GPC5: variants seen among roughly 807,000 people sequenced by gnomAD.
The protein encoded by GPC5 is glypican-5.
Under a neutral mutation model 53.9 loss-of-function variants are expected in GPC5, and 47 were observed. That is an observed-to-expected ratio of 0.87 (90% CI 0.69 to 1.11). The LOEUF is 1.11. GPC5 is among the 50% of genes most tolerant of loss of function. The pLI is 0.00. For missense variants in GPC5, 748 were observed against 713.1 expected (o/e 1.05, Z -0.56); for synonymous variants, 286 against 263.3 (o/e 1.09, Z -0.84).
chr13:92,702,906 C>T (rs1009026936), intron 7 of GPC5, among the ~76,000 whole-genome samples: 1 of 151,782 alleles, frequency 6.6e-6, no homozygotes, highest in East Asian at 1.9e-4. Flanking sequence ...TCCCCCAACC[C>T]GGCATATTCC....
chr13:92,758,168 T>G (rs1402590401), intron 7 of GPC5, among the ~76,000 whole-genome samples: 1 of 149,832 alleles, frequency 6.7e-6, no homozygotes, highest in African/African-American at 2.5e-5. Context: ...AATGATGAGT[T>G]CATGTCCTTT....
chr13:92,208,350 G>A (rs1323954846), intron 7 of GPC5, among the ~76,000 whole-genome samples: 1 of 152,182 alleles, frequency 6.6e-6, no homozygotes, highest in Admixed American at 6.5e-5. Flanking sequence ...ACCTATATGG[G>A]TGGGCTGTTG....
intron 2 of GPC5, among the ~76,000 whole-genome samples, chr13:91,502,682 C>A: frequency 6.6e-6 from 1 of 152,166 alleles, no homozygotes; most frequent in East Asian, 1.9e-4. Context: ...TAGGACCACC[C>A]TGAACCACCC....
chr13:92,632,574 A>G (rs9584051), intron 7 of GPC5, among the ~76,000 whole-genome samples: 9,876 of 151,206 alleles, frequency 0.065, 745 homozygotes, highest in African/African-American at 0.18. Flanking sequence ...CTATTAATCT[A>G]TATATGTATG....
At chr13:91,626,459 AT>A (rs767689564) in intron 2 of GPC5, among the ~76,000 whole-genome samples, 23 of 152,050 alleles carry the variant, frequency 1.5e-4, no homozygotes, top group Non-Finnish European at 2.9e-4. Context: ...TGAAGGTCAA[AT>A]GGCTACCCTG....
chr13:92,241,418 G>A (rs896824084), intron 7 of GPC5: 2 of 152,134 alleles, frequency 1.3e-5, no homozygotes, highest in African/African-American at 4.8e-5. Flanking sequence ...GCAAATGCTG[G>A]ACAATTAGAG....
chr13:92,230,484 C>T (rs957057753), intron 7 of GPC5, among the ~76,000 whole-genome samples: 1 of 152,004 alleles, frequency 6.6e-6, no homozygotes, highest in Non-Finnish European at 1.5e-5. Context: ...ATAAAATCTT[C>T]TCTTTTTGCT....
At chr13:92,594,455 T>C (rs1349512833) in intron 7 of GPC5, among the ~76,000 whole-genome samples, 1 of 152,216 alleles carries the variant, frequency 6.6e-6, no homozygotes, top group East Asian at 1.9e-4. Flanking sequence ...CCTACTTCCT[T>C]GTCTATTTCT....
intron 5 of GPC5, among the ~76,000 whole-genome samples, chr13:91,853,760 T>G (rs1453390954): frequency 6.6e-6 from 1 of 151,974 alleles, no homozygotes; most frequent in Non-Finnish European, 1.5e-5. Flanking sequence ...CATGTTACAA[T>G]AAAAAATAAA....
chr13:92,155,006 A>G (rs2041933475), intron 7 of GPC5, among the ~76,000 whole-genome samples: 1 of 152,192 alleles, frequency 6.6e-6, no homozygotes, highest in Non-Finnish European at 1.5e-5. Flanking sequence ...CTATGGTTAT[A>G]CTAGAGATAC....
intron 7 of GPC5, among the ~76,000 whole-genome samples, chr13:92,238,454 A>G (rs1341444634): frequency 6.6e-6 from 1 of 152,020 alleles, no homozygotes; most frequent in Non-Finnish European, 1.5e-5. Context: ...CCTGATGGCC[A>G]GTGATGTTAA....
chr13:91,931,403 T>C (rs1020433286), intron 6 of GPC5, among the ~76,000 whole-genome samples: 2 of 152,040 alleles, frequency 1.3e-5, no homozygotes, highest in African/African-American at 4.8e-5. Flanking sequence ...AAAATAGCAT[T>C]GATACAGTGT....
At chr13:92,387,395 G>A (rs1754288579) in intron 7 of GPC5, among the ~76,000 whole-genome samples, 1 of 152,040 alleles carries the variant, frequency 6.6e-6, no homozygotes, top group Admixed American at 6.6e-5. Context: ...AGCTCTATCA[G>A]GACATAACCT....
chr13:91,556,658 A>G (rs1171747109), intron 2 of GPC5, among the ~76,000 whole-genome samples: 2 of 151,828 alleles, frequency 1.3e-5, no homozygotes, highest in Non-Finnish European at 2.9e-5. Flanking sequence ...GAACAAAATG[A>G]TGGCATTCAC....
intron 5 of GPC5, among the ~76,000 whole-genome samples, chr13:91,838,085 G>A (rs774786365): frequency 6.6e-6 from 1 of 152,174 alleles, no homozygotes; most frequent in Non-Finnish European, 1.5e-5. Flanking sequence ...GCATATTTAA[G>A]AGTTGATTGT....
At chr13:91,563,827 C>T (rs1463965254) in intron 2 of GPC5, among the ~76,000 whole-genome samples, 1 of 151,940 alleles carries the variant, frequency 6.6e-6, no homozygotes, top group Non-Finnish European at 1.5e-5. Context: ...TCTCGGAGGA[C>T]CCTCTTCTCT....
chr13:92,411,497 C>T (rs563977603), intron 7 of GPC5, among the ~76,000 whole-genome samples: 2 of 152,242 alleles, frequency 1.3e-5, no homozygotes, highest in East Asian at 1.9e-4. Context: ...TTCCCTTCTG[C>T]CACCAATGGG....
intron 1 of GPC5, among the ~76,000 whole-genome samples, chr13:91,443,679 G>T (rs9301729): frequency 0.043 from 6,582 of 152,274 alleles, 186 homozygotes; most frequent in South Asian, 0.13. Flanking sequence ...GATGCTTCAA[G>T]ACCATAATCC....
chr13:92,766,597 C>T (rs1242302376), intron 7 of GPC5, among the ~76,000 whole-genome samples: 2 of 152,126 alleles, frequency 1.3e-5, no homozygotes, highest in Non-Finnish European at 2.9e-5. Flanking sequence ...TAAGCAGAAA[C>T]TTTGTATCCC....
Sources: gnomAD v4.1 joint callset for allele counts (sites outside exome capture counted in the v4.1 genomes callset) on GRCh38, gnomAD v4.1.1 for gene constraint, MANE v1.5 for transcripts, NCBI Gene and HGNC (gene_info 2026-07-23, HGNC 2026-07-21) for gene names.